PTGER3: variants seen among roughly 807,000 people sequenced by gnomAD.
The protein encoded by PTGER3 is prostaglandin E2 receptor EP3 subtype.
PTGER3 carries 22 observed loss-of-function variants against 34.7 expected under a neutral mutation model. The ratio of observed to expected loss-of-function variants is 0.63; its 90% CI spans 0.45 to 0.91. The LOEUF is 0.91. Ranked by LOEUF, PTGER3 falls within the 40% of genes least tolerant of loss-of-function variation. PTGER3 has a pLI of 0.00. For missense variants in PTGER3, 468 were observed against 519.4 expected, an observed-to-expected ratio of 0.90 and a Z score of 0.96; for synonymous variants, 241 against 230.1, an observed-to-expected ratio of 1.05 and a Z score of -0.43.
chr1:70,998,130 C>A (rs75997698), intron 2 of PTGER3, among the ~76,000 whole-genome samples: 2,364 of 152,294 alleles, frequency 0.016, 80 homozygotes, highest in African/African-American at 0.055. Context: ...CTCCTTCATG[C>A]ATTTGAGAGA....
intron 4 of PTGER3, among the ~76,000 whole-genome samples, chr1:70,940,689 T>G (rs1291258470): frequency 6.6e-6 from 1 of 152,130 alleles, no homozygotes. Flanking sequence ...GAGAATAGCA[T>G]GGGAAAAACT....
At chr1:71,027,924 G>T (rs1382099675) in intron 1 of PTGER3, among the ~76,000 whole-genome samples, 4 of 152,112 alleles carry the variant, frequency 2.6e-5, no homozygotes, top group Non-Finnish European at 4.4e-5. Context: ...CATTTCAAGA[G>T]GCAAATAACC....
intron 2 of PTGER3, chr1:71,009,442 T>C (rs1171402401): frequency 1.0e-6 from 1 of 981,910 alleles, no homozygotes; most frequent in Admixed American, 6.2e-5. Context: ...ACTTGGTAAA[T>C]ATTGAGATAA....
chr1:70,959,485 C>T (rs985236740), intron 2 of PTGER3, among the ~76,000 whole-genome samples: 9 of 151,950 alleles, frequency 5.9e-5, no homozygotes, highest in African/African-American at 1.2e-4. Context: ...CTCAGCTTTC[C>T]GAGTAGCTAG....
At chr1:71,046,616 A>G (rs1660843682) in intron 1 of PTGER3, 65 bp downstream of exon 1, 2 of 1,487,544 alleles carry the variant, frequency 1.3e-6, no homozygotes, top group African/African-American at 2.8e-5. Flanking sequence ...GCCACTTAGC[A>G]AAGTCTTAGG....
intron 4 of PTGER3, among the ~76,000 whole-genome samples, chr1:70,912,620 C>A (rs964171446): frequency 2.0e-5 from 3 of 152,234 alleles, no homozygotes; most frequent in Non-Finnish European, 4.4e-5. Context: ...TCCTCAACAT[C>A]ATGGAACCAA....
chr1:70,899,735 C>A (rs1402974667), intron 4 of PTGER3, among the ~76,000 whole-genome samples: 1 of 151,922 alleles, frequency 6.6e-6, no homozygotes, highest in Non-Finnish European at 1.5e-5. Context: ...AAACAGAAAT[C>A]AGTTTGTAAG....
chr1:71,001,673 T>C (rs1031416562), intron 2 of PTGER3, among the ~76,000 whole-genome samples: 1 of 152,224 alleles, frequency 6.6e-6, no homozygotes, highest in Admixed American at 6.5e-5. Context: ...AGGAGAATCA[T>C]GGCTTTTCAG....
At chr1:70,975,936 C>A (rs1211838052) in intron 2 of PTGER3, among the ~76,000 whole-genome samples, 1 of 152,086 alleles carries the variant, frequency 6.6e-6, no homozygotes, top group Non-Finnish European at 1.5e-5. Context: ...AAGTTCTTAC[C>A]TTAGCTGACA....
At chr1:70,969,268 A>T (rs892824092), downstream of PTGER3, among the ~76,000 whole-genome samples, 69 of 152,318 alleles carry the variant, frequency 4.5e-4, no homozygotes, top group Admixed American at 4.4e-3. Context: ...GGATGTAGAC[A>T]TTTTTAAACA....
At chr1:70,869,617 A>C (rs1646120666) in intron 4 of PTGER3, among the ~76,000 whole-genome samples, 1 of 152,258 alleles carries the variant, frequency 6.6e-6, no homozygotes, top group South Asian at 2.1e-4. Context: ...AGCATTGGGT[A>C]AACATTCCCA....
chr1:71,039,712 T>C (rs1660141165), intron 1 of PTGER3, among the ~76,000 whole-genome samples: 2 of 151,914 alleles, frequency 1.3e-5, no homozygotes, highest in African/African-American at 4.8e-5. Context: ...GTTTACCATT[T>C]TTCTTTCTGT....
At chr1:70,881,416 G>T (rs553305145) in intron 4 of PTGER3, among the ~76,000 whole-genome samples, 2 of 152,062 alleles carry the variant, frequency 1.3e-5, no homozygotes, top group East Asian at 3.9e-4. Flanking sequence ...TGACATTTTG[G>T]TCATTGCAGC....
At chr1:70,913,968 G>T (rs914174275) in intron 4 of PTGER3, among the ~76,000 whole-genome samples, 6 of 151,830 alleles carry the variant, frequency 4.0e-5, no homozygotes, top group Non-Finnish European at 5.9e-5. Context: ...TGGTATCAGA[G>T]TAATGCCAGC....
chr1:70,899,856 A>G (rs1311788589), intron 4 of PTGER3, among the ~76,000 whole-genome samples: 3 of 152,106 alleles, frequency 2.0e-5, no homozygotes, highest in Admixed American at 6.6e-5. Flanking sequence ...GTTCACACCA[A>G]TTGTCATAGG....
At chr1:71,004,449 GC>G (rs1311209510) in intron 2 of PTGER3, among the ~76,000 whole-genome samples, 1 of 152,170 alleles carries the variant, frequency 6.6e-6, no homozygotes, top group African/African-American at 2.4e-5. Context: ...AAGAGACATT[GC>G]CCAATATTTG....
chr1:70,982,120 A>C (rs967003817), intron 2 of PTGER3, among the ~76,000 whole-genome samples: 2 of 152,150 alleles, frequency 1.3e-5, no homozygotes, highest in Non-Finnish European at 2.9e-5. Flanking sequence ...GCCTAGGAAA[A>C]GGCCTGTGAA....
At chr1:71,046,048 C>G (rs995891623) in intron 1 of PTGER3, among the ~76,000 whole-genome samples, 27 of 150,872 alleles carry the variant, frequency 1.8e-4, no homozygotes, top group Non-Finnish European at 3.7e-4. Flanking sequence ...AATCCCAGCA[C>G]TTTGGGAGGC....
At chr1:70,926,489 A>G (rs28623666) in intron 4 of PTGER3, among the ~76,000 whole-genome samples, 3 of 152,080 alleles carry the variant, frequency 2.0e-5, no homozygotes, top group South Asian at 2.1e-4. Flanking sequence ...TTTGTCTGTT[A>G]TTGGTGTATA....
Sources: allele counts gnomAD v4.1 joint callset (sites outside exome capture counted in the v4.1 genomes callset), GRCh38; gene constraint gnomAD v4.1.1; transcripts MANE v1.5; gene names NCBI Gene and HGNC (gene_info 2026-07-23, HGNC 2026-07-21).